The following SLC18A1 variants were observed in gnomAD, a reference collection of about 807,000 sequenced individuals.
SLC18A1 encodes the protein chromaffin granule amine transporter.
Under a neutral mutation model 53.7 loss-of-function variants are expected in SLC18A1, and 69 were observed. The observed-to-expected ratio is 1.28, with a 90% CI of 1.06 to 1.57. The LOEUF is 1.57. SLC18A1 is among the 40% of genes most tolerant of loss of function. The pLI, the probability that SLC18A1 is intolerant of heterozygous loss-of-function variation, is 0.00. For missense variants in SLC18A1, 932 were observed against 668.1 expected (o/e 1.40, Z -4.35); for synonymous variants, 320 against 248.1 (o/e 1.29, Z -2.72).
At chr8:20,155,356 C>G (rs2071656777) in intron 10 of SLC18A1, among the ~76,000 whole-genome samples, 1 of 152,178 alleles carries the variant, frequency 6.6e-6, no homozygotes, top group African/African-American at 2.4e-5. Flanking sequence ...ATTAGCGTGG[C>G]TGCTGGACTT....
intron 5 of SLC18A1, 131 bp from the exon 6 acceptor site, chr8:20,173,259 A>G: frequency 1.5e-6 from 1 of 672,778 alleles, no homozygotes; most frequent in South Asian, 1.9e-5. Flanking sequence ...GGTTTTACAA[A>G]ACTTAACCCG....
At chr8:20,172,668 A>G (rs1190614548) in intron 6 of SLC18A1, among the ~76,000 whole-genome samples, 1 of 152,150 alleles carries the variant, frequency 6.6e-6, no homozygotes, top group African/African-American at 2.4e-5. Flanking sequence ...GGGGAAAATC[A>G]TTCCTCCTTT....
At chr8:20,178,743 T>C (rs909427173) in intron 3 of SLC18A1, among the ~76,000 whole-genome samples, 4 of 152,032 alleles carry the variant, frequency 2.6e-5, no homozygotes, top group African/African-American at 9.7e-5. Context: ...GTGGAGTGTA[T>C]ATCTCTTGAA....
Position 20,147,362 on chromosome 8 carries a change from C to A in SLC18A1, c.1360G>T (p.Ala454Ser). The A allele has an allele frequency of 6.2e-7, 1 of 1,612,574 alleles. No individual in the cohort carries two copies. The highest frequency in any genetic ancestry group is 8.5e-7 in the Non-Finnish European group (1 of 1,179,606). The stretch of plus-strand genomic sequence containing the variant: ...ACCATGAGCCAGGGAAAACCGATGG[C>A]CTTTACAATGGCACCACCGGTGGAT... ...GPSTGGAIVK[A>S]IGFPWLMVIT... Residue 454 changes from alanine (A) to serine (S), a missense_variant, in exon 15 of 16, where the codon GCC becomes TCC. Ala to Ser is a moderately conservative substitution (Grantham distance 99). Transcript: ENST00000276373.
intron 4 of SLC18A1, 70 bp from the exon 5 acceptor site, chr8:20,174,514 A>G (rs2072209140): frequency 1.0e-6 from 1 of 954,378 alleles, no homozygotes; most frequent in East Asian, 2.4e-5. Context: ...GCCAGAGAAC[A>G]TGCCCGTGAT....
chr8:20,179,343 G>T lies in SLC18A1; in HGVS notation c.266C>A (p.Thr89Asn), dbSNP rs1224251371. The part of the protein sequence containing the change: ...STIFSFFNNN[T>N]VAVEESVPSG... ...AGGTACGCTTTCTTCAACAGCCACGGTGTTGTTGTTGAAGAAGGAGAAGAT... is the reference window on the plus strand; with the variant it reads ...AGGTACGCTTTCTTCAACAGCCACGTTGTTGTTGTTGAAGAAGGAGAAGAT... The change falls in exon 3 of 16, where the codon ACC (threonine) becomes AAC (asparagine). Residue 89 changes from threonine to asparagine, a missense_variant. Coordinates refer to ENST00000276373, the MANE Select transcript of SLC18A1 (RefSeq NM_003053.4). 6.2e-7 allele frequency: 1 copy of T among 1,614,196 alleles called. No individual in the cohort carries two copies. The highest frequency in any genetic ancestry group is 8.5e-7 in the Non-Finnish European group (1 of 1,180,034).
At chr8:20,145,943 TC>T in intron 15 of SLC18A1, 67 bp from the exon 16 acceptor site, 2 of 893,496 alleles carry the variant, frequency 2.2e-6, no homozygotes, top group South Asian at 4.0e-5. Context: ...TGAGACGGAG[TC>T]TCGCTCTGTT....
At chr8:20,181,303 T>C (rs1310754445) in intron 1 of SLC18A1, among the ~76,000 whole-genome samples, 1 of 152,172 alleles carries the variant, frequency 6.6e-6, no homozygotes, top group African/African-American at 2.4e-5. Flanking sequence ...TAAATCCAGA[T>C]AAAAATAGAT....
chr8:20,153,970 C>T (rs11985004), intron 10 of SLC18A1, among the ~76,000 whole-genome samples: 1 of 152,000 alleles, frequency 6.6e-6, no homozygotes, highest in African/African-American at 2.4e-5. Context: ...GGAATGAATC[C>T]CTCGTGAATG....
At position 20,181,018 on chromosome 8, in the gene SLC18A1, G is replaced by A; in HGVS notation, c.-54C>T. On this transcript the variant is annotated 5_prime_UTR_variant, in exon 2 of 16. Coordinates refer to ENST00000276373, the MANE Select transcript of SLC18A1 (RefSeq NM_003053.4). ...CCTGCGGGCTCTTAGGGAAGGTCCT[G>A]TGACAGCTACAGGTCTCCTGCAGCC... 6.5e-7 allele frequency: 1 copy of A among 1,537,982 alleles called. No individual in the cohort carries two copies. The highest frequency in any genetic ancestry group is 8.8e-7 in the Non-Finnish European group (1 of 1,139,384).
chr8:20,154,146 C>A (rs2071626596), intron 10 of SLC18A1, among the ~76,000 whole-genome samples: 2 of 152,316 alleles, frequency 1.3e-5, no homozygotes, highest in East Asian at 1.9e-4. Flanking sequence ...AAATAAACCT[C>A]TTTTCTTTAT....
Position 20,165,121 on chromosome 8 carries a change from T to A in SLC18A1, c.859-14A>T. On this transcript the variant is annotated splice_polypyrimidine_tract_variant and intron_variant, in intron 8 of 15. Coordinates refer to ENST00000276373, the MANE Select transcript of SLC18A1 (RefSeq NM_003053.4). ...CCCCTTGGCACTCTGAGAACATGGA[T>A]AACAAAAAATGTCCATTTGTACAGT... is the stretch of plus-strand genomic sequence containing the variant. The A allele has an allele frequency of 1.2e-6, 2 of 1,611,454 alleles. No individual in the cohort carries two copies. The highest frequency in any genetic ancestry group is 2.2e-5 in the South Asian group (2 of 91,008).
chr8:20,162,412 A>G (rs983866049), intron 10 of SLC18A1, among the ~76,000 whole-genome samples: 1 of 152,224 alleles, frequency 6.6e-6, no homozygotes, highest in African/African-American at 2.4e-5. Flanking sequence ...AAGGCCAGGC[A>G]GCAAATTTTC....
At chr8:20,148,587 G>GT (rs1178550109) in intron 12 of SLC18A1, 1 of 637,130 alleles carries the variant, frequency 1.6e-6, no homozygotes, top group Admixed American at 2.3e-5. Flanking sequence ...GGCAGGTGGT[G>GT]TGGCTTGGGT....
At chr8:20,162,672 G>C (rs2071858809) in intron 10 of SLC18A1, among the ~76,000 whole-genome samples, 1 of 152,148 alleles carries the variant, frequency 6.6e-6, no homozygotes, top group Non-Finnish European at 1.5e-5. Flanking sequence ...CTTTACTCTA[G>C]TGTCCAATAC....
At chr8:20,148,792 G>T (rs1274040462) in intron 12 of SLC18A1, among the ~76,000 whole-genome samples, 1 of 152,104 alleles carries the variant, frequency 6.6e-6, no homozygotes, top group Non-Finnish European at 1.5e-5. Flanking sequence ...CAATTTTTAG[G>T]GTTCATGCCT....
At chr8:20,180,028 C>T (rs2072383007) in intron 2 of SLC18A1, among the ~76,000 whole-genome samples, 4 of 152,034 alleles carry the variant, frequency 2.6e-5, no homozygotes, top group Admixed American at 2.6e-4. Context: ...TTGGGCAAGT[C>T]ACTTAACACT....
chr8:20,153,635 C>G (rs1182005400), intron 10 of SLC18A1, among the ~76,000 whole-genome samples: 1 of 150,374 alleles, frequency 6.7e-6, no homozygotes, highest in Non-Finnish European at 1.5e-5. Context: ...CCACTGCACT[C>G]CAGCCTGGGC....
At chr8:20,165,859 T>A (rs1585209170) in intron 8 of SLC18A1, among the ~76,000 whole-genome samples, 1 of 152,280 alleles carries the variant, frequency 6.6e-6, no homozygotes, top group East Asian at 1.9e-4. Flanking sequence ...GGGGCTTCTC[T>A]CTCTTCCAGA....
Sources: allele counts gnomAD v4.1 joint callset (sites outside exome capture counted in the v4.1 genomes callset), GRCh38; gene constraint gnomAD v4.1.1; transcripts MANE v1.5; gene names NCBI Gene and HGNC (gene_info 2026-07-23, HGNC 2026-07-21).